The following CDC42BPA variants were observed in gnomAD, a reference collection of about 807,000 sequenced individuals.
CDC42BPA encodes CDC42 binding protein kinase alpha.
CDC42BPA carries 80 observed loss-of-function variants against 223.5 expected under a neutral mutation model. That is an observed-to-expected ratio of 0.36 (90% CI 0.30 to 0.43). The LOEUF (loss-of-function observed/expected upper bound fraction) is 0.43. CDC42BPA is among the 20% of genes least tolerant of loss of function. The probability of loss-of-function intolerance (pLI) is 1.00; values close to 1 mark genes in which losing one functional copy is unlikely to be tolerated. For synonymous variants in CDC42BPA, 694 were observed against 718.6 expected, an observed-to-expected ratio of 0.97 and a Z score of 0.55; for missense variants, 1,743 against 2,099.9, an observed-to-expected ratio of 0.83 and a Z score of 3.32.
intron 16 of CDC42BPA, among the ~76,000 whole-genome samples, chr1:227,085,238 CCTAA>C (rs1413870625): frequency 5.9e-5 from 9 of 152,166 alleles, no homozygotes; most frequent in African/African-American, 2.2e-4. Context: ...TCTGTGGAAC[CCTAA>C]CTAATACAGG....
chr1:227,248,601 C>T (rs73096350), intron 2 of CDC42BPA, among the ~76,000 whole-genome samples: 22,808 of 152,016 alleles, frequency 0.15, 2,075 homozygotes, highest in African/African-American at 0.24. Context: ...AACACAAATG[C>T]TATGGTCAAA....
At chr1:227,300,841 C>T (rs1013839359) in intron 1 of CDC42BPA, among the ~76,000 whole-genome samples, 2 of 152,224 alleles carry the variant, frequency 1.3e-5, no homozygotes, top group Non-Finnish European at 1.5e-5. Flanking sequence ...CACACGCACA[C>T]ACGGCATTTC....
chr1:227,050,050 A>G (rs778867993), intron 22 of CDC42BPA, among the ~76,000 whole-genome samples: 3 of 152,178 alleles, frequency 2.0e-5, no homozygotes, highest in Admixed American at 6.5e-5. Flanking sequence ...ACAAAAAGAC[A>G]CCACAAATAA....
chr1:227,014,924 A>G (rs775963029), intron 34 of CDC42BPA, among the ~76,000 whole-genome samples: 1 of 152,184 alleles, frequency 6.6e-6, no homozygotes, highest in East Asian at 1.9e-4. Context: ...CTGAGAGCCT[A>G]ATCTTCATAT....
intron 2 of CDC42BPA, among the ~76,000 whole-genome samples, chr1:227,244,715 C>T (rs1472103232): frequency 1.3e-5 from 2 of 152,154 alleles, no homozygotes; most frequent in Non-Finnish European, 2.9e-5. Flanking sequence ...TCACAAGAAC[C>T]AAAACTCAGG....
At chr1:227,259,730 G>A (rs1329176320) in intron 1 of CDC42BPA, among the ~76,000 whole-genome samples, 1 of 150,884 alleles carries the variant, frequency 6.6e-6, no homozygotes, top group Non-Finnish European at 1.5e-5. Context: ...CTATGACACT[G>A]CTAGCTCAGA....
intron 14 of CDC42BPA, among the ~76,000 whole-genome samples, chr1:227,103,798 CA>C (rs1685444330): frequency 6.6e-6 from 1 of 151,958 alleles, no homozygotes; most frequent in Non-Finnish European, 1.5e-5. Context: ...TACCATTTAG[CA>C]AAACAAACTC....
At chr1:227,226,610 C>T (rs1229892371) in intron 2 of CDC42BPA, among the ~76,000 whole-genome samples, 2 of 152,104 alleles carry the variant, frequency 1.3e-5, no homozygotes, top group Non-Finnish European at 1.5e-5. Flanking sequence ...ACCTCAGCTG[C>T]GAAGACCAGC....
intron 1 of CDC42BPA, among the ~76,000 whole-genome samples, chr1:227,259,324 A>T (rs566869754): frequency 2.8e-4 from 42 of 151,124 alleles, no homozygotes; most frequent in East Asian, 1.7e-3. Flanking sequence ...TAACATACAA[A>T]CTCAGCAAGT....
chr1:227,098,822 TCA>T (rs1016527352), intron 15 of CDC42BPA, among the ~76,000 whole-genome samples: 5 of 152,010 alleles, frequency 3.3e-5, no homozygotes, highest in Admixed American at 2.0e-4. Flanking sequence ...AACCTAGTAT[TCA>T]GAGTGATCCT....
intron 1 of CDC42BPA, among the ~76,000 whole-genome samples, chr1:227,270,107 A>T (rs927833365): frequency 2.0e-5 from 3 of 152,192 alleles, no homozygotes; most frequent in African/African-American, 4.8e-5. Flanking sequence ...ACAATGAAAC[A>T]TATGCAGCAA....
At chr1:227,079,321 T>A (rs925762361) in intron 17 of CDC42BPA, among the ~76,000 whole-genome samples, 1 of 152,126 alleles carries the variant, frequency 6.6e-6, no homozygotes, top group African/African-American at 2.4e-5. Flanking sequence ...ATCTTCACCC[T>A]TTCTATTAAC....
At chr1:227,210,419 T>C (rs953187722) in intron 3 of CDC42BPA, among the ~76,000 whole-genome samples, 1 of 152,182 alleles carries the variant, frequency 6.6e-6, no homozygotes, top group South Asian at 2.1e-4. Flanking sequence ...GTTCTTCTAA[T>C]GTTTGCTTTA....
intron 2 of CDC42BPA, among the ~76,000 whole-genome samples, chr1:227,253,316 T>C (rs1013975065): frequency 4.6e-5 from 7 of 152,034 alleles, no homozygotes; most frequent in African/African-American, 1.7e-4. Flanking sequence ...GAGTCGAAAT[T>C]GAAAAACTGA....
At chr1:227,067,912 T>G (rs1215868296) in intron 21 of CDC42BPA, among the ~76,000 whole-genome samples, 2 of 152,136 alleles carry the variant, frequency 1.3e-5, no homozygotes, top group Admixed American at 1.3e-4. Flanking sequence ...TTCAACAGGA[T>G]AATAAATGCT....
chr1:227,146,460 T>C (rs536538205), intron 7 of CDC42BPA, among the ~76,000 whole-genome samples: 3 of 152,252 alleles, frequency 2.0e-5, no homozygotes, highest in South Asian at 4.1e-4. Context: ...ATAAACCCTA[T>C]AAAACTGATT....
chr1:227,036,672 G>A (rs954952745), intron 24 of CDC42BPA, among the ~76,000 whole-genome samples: 26 of 151,998 alleles, frequency 1.7e-4, no homozygotes, highest in East Asian at 3.9e-4. Flanking sequence ...CTCGTGATCC[G>A]CCCGCCTGGG....
chr1:227,182,809 G>C (rs1240775795), intron 5 of CDC42BPA: 2 of 152,198 alleles, frequency 1.3e-5, no homozygotes, highest in Non-Finnish European at 2.9e-5. Flanking sequence ...TGGGCAAGCA[G>C]GTGTTAGAAG....
chr1:227,271,529 G>A (rs986101563), intron 1 of CDC42BPA, among the ~76,000 whole-genome samples: 2 of 151,950 alleles, frequency 1.3e-5, no homozygotes, highest in Admixed American at 1.3e-4. Flanking sequence ...AAGCAGTGGG[G>A]AGAACGATAC....
Sources: allele counts gnomAD v4.1 joint callset (sites outside exome capture counted in the v4.1 genomes callset), GRCh38; gene constraint gnomAD v4.1.1; transcripts MANE v1.5; gene names NCBI Gene and HGNC (gene_info 2026-07-23, HGNC 2026-07-21).